The following SETD2 variants were observed in gnomAD, a reference collection of about 807,000 sequenced individuals.
SETD2 encodes histone-lysine N-methyltransferase SETD2.
In SETD2, 31 loss-of-function variants were observed where a neutral mutation model predicts 242.1. The ratio of observed to expected loss-of-function variants is 0.13; its 90% CI spans 0.10 to 0.17. The LOEUF is 0.17. SETD2 is among the 10% of genes least tolerant of loss of function. The pLI, the probability that SETD2 is intolerant of heterozygous loss-of-function variation, is 1.00. For synonymous variants in SETD2, 1,006 were observed against 1,066.5 expected, an observed-to-expected ratio of 0.94 and a Z score of 1.11; for missense variants, 2,481 against 3,046.3, an observed-to-expected ratio of 0.81 and a Z score of 4.37.
At chr3:47,157,025 T>C (rs1483361759) in intron 1 of SETD2, among the ~76,000 whole-genome samples, 4 of 151,774 alleles carry the variant, frequency 2.6e-5, no homozygotes, top group East Asian at 1.9e-4. Flanking sequence ...CCCAGCACTT[T>C]TGGGAAGCCG....
intron 3 of SETD2, 86 bp from the exon 4 acceptor site, chr3:47,116,840 AT>A: frequency 1.0e-6 from 1 of 995,842 alleles, no homozygotes; most frequent in African/African-American, 1.7e-5. Flanking sequence ...GCCAAATCTC[AT>A]TAGATTCTTT....
At chr3:47,156,260 T>C (rs1473289052) in intron 1 of SETD2, among the ~76,000 whole-genome samples, 2 of 152,208 alleles carry the variant, frequency 1.3e-5, no homozygotes, top group Non-Finnish European at 1.5e-5. Context: ...TAAACTGTAA[T>C]GTATTAAACA....
intron 1 of SETD2, among the ~76,000 whole-genome samples, chr3:47,130,486 C>G (rs994229658): frequency 6.6e-6 from 1 of 152,138 alleles, no homozygotes; most frequent in African/African-American, 2.4e-5. Context: ...AAGGCAGGAC[C>G]TTTTTGAAGA....
intron 1 of SETD2, among the ~76,000 whole-genome samples, chr3:47,142,444 G>C (rs1335743195): frequency 2.6e-5 from 4 of 152,136 alleles, no homozygotes; most frequent in Non-Finnish European, 5.9e-5. Flanking sequence ...CAGAGGCCAA[G>C]GGTGCAGTGA....
At chr3:47,044,344 C>CAAAAAAAAAAAAAAAAAAAAAAAAAAAAA (rs59408277) in intron 16 of SETD2, among the ~76,000 whole-genome samples, 3 of 33,948 alleles carry the variant, frequency 8.8e-5, no homozygotes, top group African/African-American at 2.3e-4. Flanking sequence ...GACTTCATCT[C>CAAAAAAAAAAAAAAAAAAAAAAAAAAAAA]AAAAAAAAAA....
rs2107739800 is a variant in SETD2, at chr3:47,120,277, G to A, written c.4359C>T (p.Asp1453=). 1.2e-6 allele frequency: 2 copies of A among 1,613,328 alleles called. No individual in the cohort carries two copies. The highest frequency in any genetic ancestry group is 1.7e-6 in the Non-Finnish European group (2 of 1,179,732). The change falls in exon 3 of 21, where the codon GAC becomes GAT. Residue 1453 remains aspartate (D), a synonymous_variant. Coordinates refer to ENST00000409792, the MANE Select transcript of SETD2 (RefSeq NM_014159.7). ...ALVGPSCVMD[D]FRDPQRWKEC... ...CCTTCCATCGCTGTGGGTCCCTGAA[G>A]TCATCCATGACACAGGAGGGCCCAA...
chr3:47,099,422 T>C (rs2042123756), intron 8 of SETD2, among the ~76,000 whole-genome samples: 1 of 152,214 alleles, frequency 6.6e-6, no homozygotes, highest in South Asian at 2.1e-4. Context: ...AGAAAGTATC[T>C]TGCATAGGTC....
chr3:47,128,666 C>T (rs1575827229), intron 1 of SETD2, among the ~76,000 whole-genome samples: 2 of 152,110 alleles, frequency 1.3e-5, no homozygotes, highest in South Asian at 4.2e-4. Context: ...TTTTCTACTC[C>T]AAAACCACTA....
At chr3:47,155,815 T>TA (rs2044114218) in intron 1 of SETD2, among the ~76,000 whole-genome samples, 1 of 151,884 alleles carries the variant, frequency 6.6e-6, no homozygotes, top group Admixed American at 6.6e-5. Flanking sequence ...CACACACACA[T>TA]AAAAAAGTGT....
intron 1 of SETD2, among the ~76,000 whole-genome samples, chr3:47,140,135 A>C (rs1244899385): frequency 6.6e-6 from 1 of 152,226 alleles, no homozygotes; most frequent in Non-Finnish European, 1.5e-5. Flanking sequence ...CTTTGTTAAA[A>C]AGCTAATCTC....
chr3:47,110,525 G>C (rs2042608480), intron 5 of SETD2, among the ~76,000 whole-genome samples: 1 of 152,162 alleles, frequency 6.6e-6, no homozygotes, highest in Admixed American at 6.6e-5. Flanking sequence ...TAAAACTACA[G>C]GGGTTTTGGT....
chr3:47,065,856 T>C (rs2107597747), intron 13 of SETD2, among the ~76,000 whole-genome samples: 1 of 152,214 alleles, frequency 6.6e-6, no homozygotes, highest in East Asian at 1.9e-4. Context: ...AGTGGTAAAG[T>C]CCAGAAACCA....
chr3:47,092,643 A>AT (rs2041851707), intron 9 of SETD2, among the ~76,000 whole-genome samples: 1 of 151,790 alleles, frequency 6.6e-6, no homozygotes, highest in Admixed American at 6.6e-5. Context: ...GCAAGATACT[A>AT]TTTTTTAATA....
chr3:47,030,158 T>A (rs571011603), intron 18 of SETD2, among the ~76,000 whole-genome samples: 22 of 151,012 alleles, frequency 1.5e-4, no homozygotes, highest in Middle Eastern at 6.9e-3. Flanking sequence ...TGAAAAAAAA[T>A]AAAATAAAAT....
rs55635941 is a variant in SETD2, at chr3:47,075,564, CAAAAAAAAAAAAAA to C, written c.6060+8142_6060+8155del. Among the ~76,000 whole-genome samples the C allele has an allele frequency of 4.7e-4, 36 of 76,444 alleles. No homozygotes were observed. The South Asian group carries it at 0.016, about 34-fold the overall frequency. 50.2% of individuals were successfully genotyped at this position (76,444 alleles called of 152,430 possible). ...GGGCAACAAAATCAAAACTCCGTCTCAAAAAAAAAAAAAAAAAAAAAAAAGAAGAATCTAAAAAG... is the reference window on the plus strand; with the variant it reads ...GGGCAACAAAATCAAAACTCCGTCTCAAAAAAAAAAGAAGAATCTAAAAAG... On this transcript the variant is annotated intron_variant, in intron 12 of 20. Coordinates refer to ENST00000409792, the MANE Select transcript of SETD2 (RefSeq NM_014159.7).
chr3:47,073,226 A>G (rs1448327629), intron 12 of SETD2, among the ~76,000 whole-genome samples: 2 of 152,272 alleles, frequency 1.3e-5, no homozygotes, highest in South Asian at 2.1e-4. Flanking sequence ...GTAGGAATGG[A>G]TAAAAAGAAA....
rs560591495 is a variant in SETD2 at position 47,161,190 on chromosome 3, C to G, written c.71+2664G>C. On this transcript the variant is annotated intron_variant, in intron 1 of 20. Coordinates refer to ENST00000409792, the MANE Select transcript of SETD2 (RefSeq NM_014159.7). Reference sequence around the variant, plus strand: ...ACCTTTTAACTTTTCCCTGATGACCCCAACTAGAAGCACTTACACGTGCCA... The same window carrying G: ...ACCTTTTAACTTTTCCCTGATGACCGCAACTAGAAGCACTTACACGTGCCA... 5.3e-5 allele frequency among the ~76,000 whole-genome samples: 8 copies of G among 152,262 alleles called. No homozygotes were observed. The South Asian group carries it at 1.7e-3, about 32-fold the overall frequency.
At chr3:47,109,190 C>A (rs2042555836) in intron 5 of SETD2, among the ~76,000 whole-genome samples, 1 of 151,912 alleles carries the variant, frequency 6.6e-6, no homozygotes, top group Non-Finnish European at 1.5e-5. Context: ...TCCCTTTAAG[C>A]TTCATCAAAA....
At position 47,083,760 on chromosome 3, in the gene SETD2, T is replaced by C. The variant is rs2107637525; in HGVS notation, c.6020A>G (p.Asp2007Gly). 1 of 1,613,350 alleles carries C rather than the reference T, an allele frequency of 6.2e-7. No homozygotes were observed. Among genetic ancestry groups the C allele is most frequent in the Non-Finnish European group, 8.5e-7 (1 of 1,179,708 alleles). ...EQPDKTVDIS[D>G]LATKLLDSWK... ...ACTGTCCAGGAGTTTGGTGGCCAAA[T>C]CACTTATATCCACTGTTTTATCTGG... Residue 2007 changes from aspartate (D) to glycine (G), a missense_variant, in exon 12 of 21, where the codon GAT becomes GGT. Asp to Gly is a moderately conservative substitution (Grantham distance 94). This residue lies in a region of SETD2 where 203 missense variants were observed against 222.4 expected (regional missense o/e 0.91). Coordinates refer to ENST00000409792, the MANE Select transcript of SETD2 (RefSeq NM_014159.7).
Sources: allele counts gnomAD v4.1 joint callset (sites outside exome capture counted in the v4.1 genomes callset), GRCh38; gene constraint gnomAD v4.1.1; regional missense constraint gnomAD v4.1.1; transcripts MANE v1.5; gene names NCBI Gene and HGNC (gene_info 2026-07-23, HGNC 2026-07-21).